Variants in LRRC20 observed in about 807,000 individuals in gnomAD.
The protein encoded by LRRC20 is leucine rich repeat containing 20.
LRRC20 carries 11 observed loss-of-function variants against 14.4 expected under a neutral mutation model. The observed-to-expected ratio is 0.77, with a 90% CI of 0.48 to 1.27. LRRC20 has a LOEUF of 1.27. LRRC20 is among the 50% of genes most tolerant of loss of function. The pLI is 0.00. For missense variants in LRRC20, 219 were observed against 251.2 expected (o/e 0.87, Z 0.87); for synonymous variants, 121 against 107.3 (o/e 1.13, Z -0.79).
chr10:70,332,321 T>G (rs1452431427), intron 3 of LRRC20, among the ~76,000 whole-genome samples: 1 of 152,192 alleles, frequency 6.6e-6, no homozygotes, highest in Non-Finnish European at 1.5e-5. Flanking sequence ...CAGACTAAAA[T>G]GAAGTACTAA....
At chr10:70,375,792 G>A (rs1156551514) in intron 2 of LRRC20, among the ~76,000 whole-genome samples, 2 of 151,730 alleles carry the variant, frequency 1.3e-5, no homozygotes, top group African/African-American at 4.8e-5. Flanking sequence ...ACAGGTAACT[G>A]CACTGTATCC....
rs1376616283 is a variant in LRRC20 at position 70,382,574 on chromosome 10, C to A, written c.-89G>T. 3 of 151,942 alleles carry A rather than the reference C, an allele frequency of 2.0e-5. No homozygotes were observed. Among genetic ancestry groups the A allele is most frequent in the Admixed American group, 6.6e-5 (1 of 15,264 alleles). The allele number at this position is 151,942 out of a possible 1,614,324, so 9.4% of individuals were successfully genotyped here. A position where few individuals can be genotyped will look rare whatever the true frequency, so the allele number is the denominator to read the frequency against. The stretch of plus-strand genomic sequence containing the variant: ...GGCGACAATGCCTCCTAGCGCCCTG[C>A]GCAGCGCAGTCACGCTCCCTCCGCC... On this transcript the variant is annotated 5_prime_UTR_variant, in exon 1 of 5. Transcript: ENST00000446961.
intron 2 of LRRC20, among the ~76,000 whole-genome samples, chr10:70,371,585 G>A (rs1844273448): frequency 6.6e-6 from 1 of 152,068 alleles, no homozygotes; most frequent in Non-Finnish European, 1.5e-5. Flanking sequence ...GGGAAGGGTG[G>A]GGTCAGACTA....
At chr10:70,372,608 A>AT (rs1208184914) in intron 2 of LRRC20, among the ~76,000 whole-genome samples, 3 of 151,550 alleles carry the variant, frequency 2.0e-5, no homozygotes, top group Non-Finnish European at 4.4e-5. Flanking sequence ...CGCCCGGCTA[A>AT]TTTTTTTGTA....
intron 2 of LRRC20, among the ~76,000 whole-genome samples, chr10:70,354,056 T>C (rs1231621388): frequency 6.6e-6 from 1 of 152,176 alleles, no homozygotes; most frequent in Non-Finnish European, 1.5e-5. Context: ...CAAATCTTGG[T>C]AAATTGCAAC....
chr10:70,348,843 C>T (rs1236834462), intron 2 of LRRC20, among the ~76,000 whole-genome samples: 1 of 152,222 alleles, frequency 6.6e-6, no homozygotes, highest in East Asian at 1.9e-4. Context: ...CTGGAAATTC[C>T]TCTGCAGGTC....
At chr10:70,317,724 G>C (rs1386575522) in intron 4 of LRRC20, among the ~76,000 whole-genome samples, 1 of 152,200 alleles carries the variant, frequency 6.6e-6, no homozygotes, top group Non-Finnish European at 1.5e-5. Flanking sequence ...CAGGCAGTCA[G>C]TCCCAGGGGA....
At chr10:70,325,097 C>T (rs1251267371) in intron 3 of LRRC20, among the ~76,000 whole-genome samples, 1 of 152,140 alleles carries the variant, frequency 6.6e-6, no homozygotes, top group Non-Finnish European at 1.5e-5. Context: ...CCGAGGGAAA[C>T]TGAGGCCCAG....
chr10:70,309,169 C>A (rs1173200218), intron 4 of LRRC20, among the ~76,000 whole-genome samples: 2 of 152,122 alleles, frequency 1.3e-5, no homozygotes, highest in African/African-American at 4.8e-5. Flanking sequence ...TAAGAAAGAC[C>A]CCTCGCACTT....
At chr10:70,315,331 CA>C (rs1427413696) in intron 4 of LRRC20, among the ~76,000 whole-genome samples, 2 of 152,144 alleles carry the variant, frequency 1.3e-5, no homozygotes, top group Non-Finnish European at 2.9e-5. Context: ...CCCAAATGCC[CA>C]AATTCAAAAG....
chr10:70,375,561 G>C (rs1255297236), intron 2 of LRRC20, among the ~76,000 whole-genome samples: 2 of 152,092 alleles, frequency 1.3e-5, no homozygotes, highest in African/African-American at 4.8e-5. Context: ...TCCTTTGTGA[G>C]ACAGACAGAC....
intron 4 of LRRC20, among the ~76,000 whole-genome samples, chr10:70,309,520 C>T (rs1223779111): frequency 6.6e-6 from 1 of 152,224 alleles, no homozygotes; most frequent in Non-Finnish European, 1.5e-5. Context: ...CAGAAGATAA[C>T]AATGACAGGC....
chr10:70,379,994 C>T (rs1214115866), intron 1 of LRRC20, among the ~76,000 whole-genome samples: 3 of 152,152 alleles, frequency 2.0e-5, no homozygotes, highest in Non-Finnish European at 4.4e-5. Flanking sequence ...TCTGACAGGA[C>T]GCAGAGTTCA....
chr10:70,303,979 TGTGGTTAATTTAA>T (rs1415283969), intron 4 of LRRC20, among the ~76,000 whole-genome samples: 4 of 152,186 alleles, frequency 2.6e-5, no homozygotes, highest in African/African-American at 9.6e-5. Context: ...ATACACTTTA[TGTGGTTAATTTAA>T]GTGGTTAATT....
At chr10:70,312,078 G>T (rs1841687868) in intron 4 of LRRC20, among the ~76,000 whole-genome samples, 1 of 152,174 alleles carries the variant, frequency 6.6e-6, no homozygotes, top group African/African-American at 2.4e-5. Context: ...TGAGAAGGAG[G>T]GGTCAGGACC....
intron 2 of LRRC20, among the ~76,000 whole-genome samples, chr10:70,350,852 C>T (rs968386042): frequency 2.6e-5 from 4 of 152,112 alleles, no homozygotes; most frequent in Admixed American, 1.3e-4. Flanking sequence ...GTTAGGAGAC[C>T]GGGGGTCCTT....
chr10:70,325,088 CGAGGGAAACT>C (rs1342350958), intron 3 of LRRC20, among the ~76,000 whole-genome samples: 1 of 152,074 alleles, frequency 6.6e-6, no homozygotes. Flanking sequence ...CTGTCTGACC[CGAGGGAAACT>C]GAGGCCCAGA....
At chr10:70,317,024 G>A (rs1042008511) in intron 4 of LRRC20, among the ~76,000 whole-genome samples, 1 of 152,264 alleles carries the variant, frequency 6.6e-6, no homozygotes, top group Non-Finnish European at 1.5e-5. Context: ...AAAGCTGGCT[G>A]TGCTCAGGGG....
intron 1 of LRRC20, among the ~76,000 whole-genome samples, chr10:70,379,716 C>T (rs980804017): frequency 2.6e-5 from 4 of 152,160 alleles, no homozygotes; most frequent in Non-Finnish European, 2.9e-5. Context: ...GGTGGGATCA[C>T]CTGGGCTGAA....
Sources: allele counts gnomAD v4.1 joint callset (sites outside exome capture counted in the v4.1 genomes callset), GRCh38; gene constraint gnomAD v4.1.1; transcripts MANE v1.5; gene names NCBI Gene and HGNC (gene_info 2026-07-23, HGNC 2026-07-21).